The following DGKB variants were observed in gnomAD, a reference collection of about 807,000 sequenced individuals.
DGKB encodes the protein diacylglycerol kinase beta, also known as 90 kDa diacylglycerol kinase.
A neutral mutation model predicts 114.3 loss-of-function variants in DGKB; 67 were observed. The observed-to-expected ratio is 0.59, with a 90% CI of 0.48 to 0.72. DGKB has a LOEUF of 0.72. Among genes scored for constraint, DGKB ranks in the 30% least tolerant of loss-of-function variants. The pLI, the probability that DGKB is intolerant of heterozygous loss-of-function variation, is 0.00. For synonymous variants in DGKB, 398 were observed against 323.1 expected, an observed-to-expected ratio of 1.23 and a Z score of -2.49; for missense variants, 907 against 975.2, an observed-to-expected ratio of 0.93 and a Z score of 0.93.
At chr7:14,269,903 T>C (rs960354020) in intron 23 of DGKB, among the ~76,000 whole-genome samples, 8 of 152,044 alleles carry the variant, frequency 5.3e-5, no homozygotes, top group African/African-American at 1.9e-4. Flanking sequence ...CAATTATCTG[T>C]ATTAAAAGCC....
chr7:14,846,798 G>A lies in DGKB; in HGVS notation c.-187-5348C>T, dbSNP rs185765521. ...GTTGAAGAAAGCTCTTTGGGCCACT[G>A]TACCTGGGCTAAAGCACAATCCCTA... On this transcript the variant is annotated intron_variant, in intron 1 of 25. Coordinates refer to ENST00000402815, the MANE Select transcript of DGKB (RefSeq NM_001350709.2). 3.7e-3 allele frequency among the ~76,000 whole-genome samples: 561 copies of A among 152,284 alleles called. 12 individuals carry two copies. The highest frequency in any genetic ancestry group is 1.8e-3 in the Non-Finnish European group (124 of 68,024).
intron 1 of DGKB, among the ~76,000 whole-genome samples, chr7:14,935,432 A>G (rs1227486376): frequency 6.6e-6 from 1 of 152,192 alleles, no homozygotes; most frequent in Non-Finnish European, 1.5e-5. Context: ...TGACAAAAAA[A>G]GAAGTTTATA....
intron 5 of DGKB, among the ~76,000 whole-genome samples, chr7:14,733,395 T>C (rs1586075109): frequency 6.6e-6 from 1 of 152,166 alleles, no homozygotes; most frequent in Non-Finnish European, 1.5e-5. Context: ...ACATCATTAA[T>C]AGATGGGAAG....
chr7:14,352,706 C>T lies in DGKB; in HGVS notation c.1836-7315G>A, dbSNP rs946937016. Among the ~76,000 whole-genome samples the T allele has an allele frequency of 7.9e-5, 12 of 152,168 alleles. 1 individual carries two copies. The South Asian group carries it at 8.3e-4, about 11-fold the overall frequency. Reference sequence around the variant, plus strand: ...TTGGGAGGCAGAGGTAGGCGGATCACGAGGTCAGGAGTTTGAGAGCAGCCT... The same window carrying T: ...TTGGGAGGCAGAGGTAGGCGGATCATGAGGTCAGGAGTTTGAGAGCAGCCT... On this transcript the variant is annotated intron_variant, in intron 21 of 25. Coordinates refer to ENST00000402815, the MANE Select transcript of DGKB (RefSeq NM_001350709.2).
At chr7:14,265,943 T>C (rs185420516) in intron 23 of DGKB, among the ~76,000 whole-genome samples, 136 of 152,224 alleles carry the variant, frequency 8.9e-4, no homozygotes, top group African/African-American at 3.0e-3. Flanking sequence ...TGCAAGGGGG[T>C]TATATAGTAA....
chr7:14,549,784 C>T (rs1045980816), intron 20 of DGKB, among the ~76,000 whole-genome samples: 2 of 152,038 alleles, frequency 1.3e-5, no homozygotes, highest in South Asian at 2.1e-4. Context: ...GTCAAGAGAT[C>T]GAGACCATCC....
At chr7:14,588,936 T>C (rs1801224522) in intron 17 of DGKB, among the ~76,000 whole-genome samples, 1 of 152,092 alleles carries the variant, frequency 6.6e-6, no homozygotes, top group African/African-American at 2.4e-5. Flanking sequence ...AAACCAATCA[T>C]GATTTTGACT....
chr7:14,274,489 C>A (rs1486325301), intron 23 of DGKB, among the ~76,000 whole-genome samples: 1 of 152,078 alleles, frequency 6.6e-6, no homozygotes, highest in Non-Finnish European at 1.5e-5. Context: ...ATCTTTATCA[C>A]TTGATACCTT....
At chr7:14,606,634 G>C (rs566202165) in intron 17 of DGKB, among the ~76,000 whole-genome samples, 66 of 151,318 alleles carry the variant, frequency 4.4e-4, no homozygotes, top group African/African-American at 1.6e-3. Context: ...AAAGCTTATA[G>C]AGCTTCTGTC....
At chr7:14,888,758 C>T (rs79600543) in intron 1 of DGKB, among the ~76,000 whole-genome samples, 2 of 151,748 alleles carry the variant, frequency 1.3e-5, no homozygotes, top group Non-Finnish European at 3.0e-5. Context: ...CAGGGTAGAA[C>T]ATTGTTGTGA....
intron 13 of DGKB, among the ~76,000 whole-genome samples, chr7:14,664,279 A>T (rs1817653543): frequency 6.6e-6 from 1 of 151,900 alleles, no homozygotes; most frequent in African/African-American, 2.4e-5. Context: ...TCTCTGCTAC[A>T]GTTTTCTCTC....
chr7:14,580,981 A>T (rs1464604590), intron 18 of DGKB, 30 bp from the exon 19 acceptor site: 1 of 1,520,102 alleles, frequency 6.6e-7, no homozygotes, highest in Non-Finnish European at 9.0e-7. Context: ...ACAAATAAAG[A>T]AAATTTTAAG....
At chr7:14,609,340 T>C (rs993877885) in intron 16 of DGKB, among the ~76,000 whole-genome samples, 4 of 152,104 alleles carry the variant, frequency 2.6e-5, no homozygotes, top group African/African-American at 4.8e-5. Flanking sequence ...GCTAGCCATA[T>C]GCAGAAAAAT....
intron 8 of DGKB, among the ~76,000 whole-genome samples, chr7:14,695,494 C>CTCTTTTTTTTTTTTTTTTT (rs1823671843): frequency 1.3e-5 from 1 of 75,166 alleles, no homozygotes; most frequent in African/African-American, 5.9e-5. Context: ...CTCTCTCTCT[C>CTCTTTTTTTTTTTTTTTTT]TTTTTTTTTT....
intron 23 of DGKB, among the ~76,000 whole-genome samples, chr7:14,265,040 C>T (rs1797288907): frequency 1.3e-5 from 2 of 151,988 alleles, no homozygotes; most frequent in Non-Finnish European, 2.9e-5. Flanking sequence ...AGTAGACTGT[C>T]AGTAAAAGCT....
intron 21 of DGKB, among the ~76,000 whole-genome samples, chr7:14,433,777 ACATTTTTTTCTG>A (rs1828838247): frequency 6.6e-6 from 1 of 151,844 alleles, no homozygotes; most frequent in Non-Finnish European, 1.5e-5. Context: ...TTTGGATTTC[ACATTTTTTTCTG>A]CCTTTGTAAT....
At chr7:14,400,779 G>A (rs1046102941) in intron 21 of DGKB, among the ~76,000 whole-genome samples, 1 of 151,444 alleles carries the variant, frequency 6.6e-6, no homozygotes, top group Non-Finnish European at 1.5e-5. Flanking sequence ...CTGAAATGTG[G>A]CTTAAGGACA....
chr7:14,948,796 A>G (rs1301222095), intron 1 of DGKB, among the ~76,000 whole-genome samples: 3 of 151,934 alleles, frequency 2.0e-5, no homozygotes, highest in African/African-American at 7.2e-5. Context: ...TAATAAGTTA[A>G]TATCAGACTT....
At chr7:14,925,331 A>G (rs1184334642) in intron 1 of DGKB, among the ~76,000 whole-genome samples, 1 of 152,228 alleles carries the variant, frequency 6.6e-6, no homozygotes, top group East Asian at 1.9e-4. Context: ...TCATCAGTAT[A>G]TCTCCTTTGA....
Sources: gnomAD v4.1 joint callset for allele counts (sites outside exome capture counted in the v4.1 genomes callset) on GRCh38, gnomAD v4.1.1 for gene constraint, MANE v1.5 for transcripts, NCBI Gene and HGNC (gene_info 2026-07-23, HGNC 2026-07-21) for gene names.